The following DGCR2 variants were observed in gnomAD, a reference collection of about 807,000 sequenced individuals.
DGCR2 encodes the protein DiGeorge syndrome critical region gene 2, also known as integral membrane protein DGCR2/IDD.
A neutral mutation model predicts 51.6 loss-of-function variants in DGCR2; 24 were observed. The ratio of observed to expected loss-of-function variants is 0.47; its 90% CI spans 0.34 to 0.65. DGCR2 has a LOEUF of 0.65. Among genes scored for constraint, DGCR2 ranks in the 30% least tolerant of loss-of-function variants. DGCR2 has a pLI of 0.01. For missense variants in DGCR2, 765 were observed against 772.1 expected, an observed-to-expected ratio of 0.99 and a Z score of 0.11; for synonymous variants, 340 against 315.4, an observed-to-expected ratio of 1.08 and a Z score of -0.82.
At chr22:19,045,653 G>A (rs1050844444) in intron 7 of DGCR2, among the ~76,000 whole-genome samples, 1 of 152,156 alleles carries the variant, frequency 6.6e-6, no homozygotes, top group Non-Finnish European at 1.5e-5. Context: ...TTGAACTCCT[G>A]GCCTCAAGCA....
At chr22:19,073,634 T>C (rs2082840926) in intron 2 of DGCR2, among the ~76,000 whole-genome samples, 2 of 152,176 alleles carry the variant, frequency 1.3e-5, no homozygotes, top group South Asian at 4.1e-4. Flanking sequence ...GCAACACTGG[T>C]GTTGGAGTAA....
chr22:19,102,782 G>A (rs2083217538), intron 1 of DGCR2, among the ~76,000 whole-genome samples: 1 of 152,166 alleles, frequency 6.6e-6, no homozygotes, highest in Non-Finnish European at 1.5e-5. Context: ...GAGACAGGAA[G>A]ATCGCTTGAA....
At chr22:19,069,319 C>T (rs192490367) in intron 2 of DGCR2, among the ~76,000 whole-genome samples, 1 of 152,342 alleles carries the variant, frequency 6.6e-6, no homozygotes, top group Non-Finnish European at 1.5e-5. Context: ...GAGCCCCTCT[C>T]CAGCAGGTTG....
rs1413063737 is a variant in DGCR2, at chr22:19,048,582, C to T, written c.864G>A (p.Lys288=). Residue 288 remains lysine (K), a synonymous_variant, in exon 7 of 10, where the codon AAG becomes AAA. Coordinates refer to ENST00000263196, the MANE Select transcript of DGCR2 (RefSeq NM_005137.3). The part of the protein sequence containing the change: ...VVDEGFYFTP[K]GDDPCLSCTC... ...TGCAGCTCAGGCATGGGTCGTCCCC[C>T]TTAGGGGTGAAGTAGAACCCTTCAT... The T allele has an allele frequency of 2.5e-6, 4 of 1,614,228 alleles. No homozygotes were observed. The Admixed American group carries it at 5.0e-5, about 20-fold the overall frequency.
intron 4 of DGCR2, 107 bp downstream of exon 4, chr22:19,064,741 C>A (rs1025321951): frequency 1.1e-5 from 12 of 1,114,416 alleles, no homozygotes; most frequent in Non-Finnish European, 1.6e-5. Flanking sequence ...TCCCAACCTG[C>A]TGTCTGCCAG....
chr22:19,065,188 G>A, intron 3 of DGCR2, 121 bp from the exon 4 acceptor site: 1 of 811,520 alleles, frequency 1.2e-6, no homozygotes, highest in Non-Finnish European at 2.0e-6. Flanking sequence ...GGGAAACTGA[G>A]GCTCAAGAGG....
chr22:19,042,543 C>T (rs904276779), intron 7 of DGCR2, among the ~76,000 whole-genome samples: 1 of 152,220 alleles, frequency 6.6e-6, no homozygotes, highest in African/African-American at 2.4e-5. Flanking sequence ...ATGACAGTTG[C>T]TGGCAGTTTG....
chr22:19,075,937 C>T (rs1390007734), intron 2 of DGCR2, among the ~76,000 whole-genome samples: 3 of 152,108 alleles, frequency 2.0e-5, no homozygotes, highest in South Asian at 2.1e-4. Flanking sequence ...TCTTTGGAGT[C>T]GAACTGCTAA....
intron 4 of DGCR2, among the ~76,000 whole-genome samples, chr22:19,063,885 C>T (rs761112184): frequency 6.6e-6 from 1 of 152,212 alleles, no homozygotes; most frequent in Non-Finnish European, 1.5e-5. Context: ...GGGCACTCCA[C>T]AGGGGAGATT....
chr22:19,087,478 C>T (rs553684248), intron 2 of DGCR2, among the ~76,000 whole-genome samples: 1 of 152,260 alleles, frequency 6.6e-6, no homozygotes, highest in East Asian at 1.9e-4. Context: ...CAACCTCTAC[C>T]TCCTGGATTC....
intron 5 of DGCR2, among the ~76,000 whole-genome samples, chr22:19,058,961 T>A (rs916141008): frequency 3.9e-5 from 6 of 152,208 alleles, no homozygotes; most frequent in Non-Finnish European, 8.8e-5. Flanking sequence ...ATCCAGGTGC[T>A]GAATGGGGGC....
chr22:19,089,856 C>T (rs2083059196), intron 1 of DGCR2, among the ~76,000 whole-genome samples: 1 of 152,252 alleles, frequency 6.6e-6, no homozygotes, highest in Non-Finnish European at 1.5e-5. Context: ...GCCAGGATTA[C>T]AGGCATGTAC....
intron 2 of DGCR2, among the ~76,000 whole-genome samples, chr22:19,084,684 CCCGG>C (rs2082989974): frequency 1.2e-4 from 13 of 112,374 alleles, no homozygotes; most frequent in South Asian, 3.4e-4. Flanking sequence ...TCAGCCCCCG[CCCGG>C]CCAGCTGCCC....
intron 3 of DGCR2, among the ~76,000 whole-genome samples, chr22:19,066,639 G>A (rs1415244300): frequency 6.6e-6 from 1 of 152,196 alleles, no homozygotes; most frequent in Non-Finnish European, 1.5e-5. Context: ...AAGGTGAGAG[G>A]AAGCCCTGTA....
intron 2 of DGCR2, among the ~76,000 whole-genome samples, chr22:19,069,146 G>C (rs966667442): frequency 2.0e-5 from 3 of 152,208 alleles, no homozygotes; most frequent in African/African-American, 7.2e-5. Context: ...AAACAAACTT[G>C]GTCTGCAAGG....
chr22:19,084,566 GCC>G (rs2082986560), intron 2 of DGCR2, among the ~76,000 whole-genome samples: 1 of 136,624 alleles, frequency 7.3e-6, no homozygotes, highest in Non-Finnish European at 1.6e-5. Context: ...CCGCCCGGCA[GCC>G]ACCCCGTCTG....
intron 1 of DGCR2, among the ~76,000 whole-genome samples, chr22:19,108,614 G>A (rs370656149): frequency 7.8e-6 from 1 of 128,834 alleles, no homozygotes; most frequent in Non-Finnish European, 1.6e-5. Context: ...AGATGCACAG[G>A]CCAACAGAAC....
chr22:19,038,598 T>C lies in DGCR2; in HGVS notation c.*267A>G. On this transcript the variant is annotated 3_prime_UTR_variant, in exon 10 of 10. Coordinates refer to ENST00000263196, the MANE Select transcript of DGCR2 (RefSeq NM_005137.3). ...CTAACATGTGCGGTCTGAATGAATT[T>C]TGTCACTCTTCTGCCATTTATAAAG... The C allele has an allele frequency of 3.8e-6, 2 of 532,524 alleles. No homozygotes were observed. Among genetic ancestry groups the C allele is most frequent in the South Asian group, 4.9e-5 (2 of 41,194 alleles). The allele number at this position is 532,524 out of a possible 1,614,324, so 33.0% of individuals were successfully genotyped here.
intron 4 of DGCR2, 75 bp downstream of exon 4, chr22:19,064,773 A>G: frequency 7.1e-7 from 1 of 1,401,780 alleles, no homozygotes; most frequent in Non-Finnish European, 9.9e-7. Context: ...GAGTTTACTG[A>G]GTGGTCAGAG....
Sources: allele counts gnomAD v4.1 joint callset (sites outside exome capture counted in the v4.1 genomes callset), GRCh38; gene constraint gnomAD v4.1.1; transcripts MANE v1.5; gene names NCBI Gene and HGNC (gene_info 2026-07-23, HGNC 2026-07-21).